Variants in ZNFX1 observed in about 807,000 individuals in gnomAD.
The protein encoded by ZNFX1 is zinc finger NFX1-type containing 1, also known as NFX1-type zinc finger-containing protein 1.
ZNFX1 carries 78 observed loss-of-function variants against 179.8 expected under a neutral mutation model. That is an observed-to-expected ratio of 0.43 (90% CI 0.36 to 0.52). The LOEUF is 0.52. ZNFX1 is among the 20% of genes least tolerant of loss of function. The pLI, the probability that ZNFX1 is intolerant of heterozygous loss-of-function variation, is 0.00. For missense variants in ZNFX1, 1,927 were observed against 2,386.6 expected (o/e 0.81, Z 4.01); for synonymous variants, 848 against 868.5 (o/e 0.98, Z 0.42).
At chr20:49,251,455 T>C in intron 13 of ZNFX1, 72 bp downstream of exon 13, 2 of 1,467,586 alleles carry the variant, frequency 1.4e-6, no homozygotes, top group Non-Finnish European at 1.9e-6. Flanking sequence ...AAAAGCTTTT[T>C]TATCTTGAGG....
Position 49,254,601 on chromosome 20 carries a change from G to C in ZNFX1, c.2853C>G (p.Ser951Arg). 1 of 1,614,172 alleles carries C rather than the reference G, an allele frequency of 6.2e-7. No homozygotes were observed. Among genetic ancestry groups the C allele is most frequent in the South Asian group, 1.1e-5 (1 of 91,086 alleles). The change falls in exon 10 of 14, where the codon AGC becomes AGG. Residue 951 changes from serine (S) to arginine (R), a missense_variant. Coordinates refer to ENST00000396105, the MANE Select transcript of ZNFX1 (RefSeq NM_021035.3). ...YQADTRRKILSYERQYRTSAE... is the reference protein window; with the variant it reads ...YQADTRRKILRYERQYRTSAE... ...CTGATGTGCGGTACTGGCGTTCATAGCTGAGGATCTTCCGGCGGGTGTCAG... is the reference window on the plus strand; with the variant it reads ...CTGATGTGCGGTACTGGCGTTCATACCTGAGGATCTTCCGGCGGGTGTCAG...
intron 7 of ZNFX1, among the ~76,000 whole-genome samples, chr20:49,258,132 G>A (rs1184326643): frequency 1.5e-5 from 2 of 135,988 alleles, no homozygotes; most frequent in African/African-American, 2.7e-5. Flanking sequence ...AGTTTCACTC[G>A]TTGCCCAGGC....
At chr20:49,252,860 C>T (rs1343481907) in intron 11 of ZNFX1, 30 bp from the exon 12 acceptor site, 2 of 1,551,890 alleles carry the variant, frequency 1.3e-6, no homozygotes, top group African/African-American at 2.7e-5. Context: ...TGAGGATTCT[C>T]TACTGATAAA....
At position 49,249,644 on chromosome 20, in the gene ZNFX1, C is replaced by A; in HGVS notation, c.3380G>T (p.Ser1127Ile). 6.2e-7 allele frequency: 1 copy of A among 1,614,200 alleles called. No individual in the cohort carries two copies. Among genetic ancestry groups the A allele is most frequent in the Non-Finnish European group, 8.5e-7 (1 of 1,180,030 alleles). The change falls in exon 14 of 14, where the codon AGC becomes ATC. Residue 1127 changes from serine to isoleucine, a missense_variant. Physicochemically the swap from Ser to Ile is moderately radical, Grantham distance 142. Transcript: ENST00000396105. ...FPEQEIQEGK[S>I]HQNQHEAHFV... ...GTGAGCCTCATGCTGGTTCTGATGG[C>A]TTTTGCCCTCTTGGATTTCCTGTTC...
chr20:49,255,970 G>C (rs757807174), intron 8 of ZNFX1, 23 bp from the exon 9 acceptor site: 3 of 1,612,660 alleles, frequency 1.9e-6, no homozygotes, highest in East Asian at 4.5e-5. Context: ...ATACCAGGCA[G>C]GGTACTGTCT....
Position 49,249,474 on chromosome 20 carries a change from C to T in ZNFX1, c.3550G>A (p.Val1184Met). ...TTCTCTTCCCCTTGGTATTTGTCCA[C>T]AACATGGACCCTGACGCCAGCAAAT... ...KTFAGVRVHV[V>M]DKYQGEENDI... The change falls in exon 14 of 14, where the codon GTG becomes ATG. Residue 1184 changes from valine (V) to methionine (M), a missense_variant. Coordinates refer to ENST00000396105, the MANE Select transcript of ZNFX1 (RefSeq NM_021035.3). The T allele has an allele frequency of 1.2e-6, 2 of 1,614,256 alleles. No homozygotes were observed. The highest frequency in any genetic ancestry group is 1.7e-6 in the Non-Finnish European group (2 of 1,180,050).
chr20:49,276,490 A>G (rs1981563213), intron 1 of ZNFX1, among the ~76,000 whole-genome samples: 2 of 152,246 alleles, frequency 1.3e-5, no homozygotes, highest in South Asian at 4.1e-4. Context: ...TTCAATAACC[A>G]GGAGGTTTGG....
Position 49,257,050 on chromosome 20 carries a change from C to T in ZNFX1, c.2664+367G>A, listed in dbSNP as rs979268839. ...TCTCGCTTCATTGCTTACTTTAATC[C>T]TCTAAAATCTTAGTACATGTTCACA... On this transcript the variant is annotated intron_variant, in intron 8 of 13. Coordinates refer to ENST00000396105, the MANE Select transcript of ZNFX1 (RefSeq NM_021035.3). 5.3e-5 allele frequency among the ~76,000 whole-genome samples: 8 copies of T among 152,246 alleles called. No homozygotes were observed. The South Asian group carries it at 8.3e-4, about 16-fold the overall frequency.
intron 6 of ZNFX1, among the ~76,000 whole-genome samples, chr20:49,261,723 G>A (rs983153998): frequency 7.3e-5 from 11 of 150,290 alleles, no homozygotes; most frequent in East Asian, 5.9e-4. Flanking sequence ...TCGGCTCACT[G>A]CAAGCTCTGC....
chr20:49,255,807 C>A lies in ZNFX1; in HGVS notation c.2804+1G>T. ...GGTTGGCTAGATGTGGAACACAGTA[C>A]CTATAAAGCTGCCAGCGAGAACTGA... On this transcript the variant is annotated splice_donor_variant, in intron 9 of 13. Coordinates refer to ENST00000396105, the MANE Select transcript of ZNFX1 (RefSeq NM_021035.3). LOFTEE classifies it high-confidence loss of function. The A allele has an allele frequency of 6.2e-7, 1 of 1,611,178 alleles. No individual in the cohort carries two copies. Among genetic ancestry groups the A allele is most frequent in the Non-Finnish European group, 8.5e-7 (1 of 1,178,448 alleles).
rs1981342153 is a variant in ZNFX1, at chr20:49,270,096, T to C, written c.1716A>G (p.Arg572=). The C allele has an allele frequency of 1.2e-6, 2 of 1,614,130 alleles. No individual in the cohort carries two copies. The highest frequency in any genetic ancestry group is 1.7e-5 in the Admixed American group (1 of 60,014). ...ENPSATGEFL[R]NVEGLRHPRI... ...TGGGATGTCTCAAACCCTCGACATT[T>C]CTTAGAAATTCCCCAGTGGCTGAAG... is the stretch of plus-strand genomic sequence containing the variant. The change falls in exon 3 of 14, where the codon AGA becomes AGG. Residue 572 remains arginine (R), a synonymous_variant. Coordinates refer to ENST00000396105, the MANE Select transcript of ZNFX1 (RefSeq NM_021035.3). This position sits in a 1 kb window ranked among gnomAD's most constrained non-coding sequence, Gnocchi z 4.6.
At position 49,257,611 on chromosome 20, in the gene ZNFX1, C is replaced by CT; in HGVS notation, c.2469dup (p.Glu824ArgfsTer7). ...ATCAGGTCAGCTTCCTCTGCGATCT[C>CT]TATCAGCGAACTCTCCTCCTCCCCT... On this transcript the variant is annotated frameshift_variant, in exon 8 of 14. Coordinates refer to ENST00000396105, the MANE Select transcript of ZNFX1 (RefSeq NM_021035.3). LOFTEE classifies it high-confidence loss of function. 6.2e-7 allele frequency: 1 copy of CT among 1,613,966 alleles called. No individual in the cohort carries two copies. The highest frequency in any genetic ancestry group is 8.5e-7 in the Non-Finnish European group (1 of 1,180,006).
chr20:49,266,027 T>C (rs1981224957), intron 4 of ZNFX1, 108 bp downstream of exon 4: 1 of 1,264,908 alleles, frequency 7.9e-7, no homozygotes, highest in East Asian at 2.4e-5. Flanking sequence ...ATGTAAGTAA[T>C]GATAAGGACT....
In ZNFX1 at chr20:49,270,013, T is replaced by A; in HGVS notation, c.1799A>T (p.Asp600Val). Residue 600 changes from aspartate to valine, a missense_variant, in exon 3 of 14, where the codon GAC becomes GTC. By Grantham distance (152) the Asp-to-Val change is radical. Coordinates refer to ENST00000396105, the MANE Select transcript of ZNFX1 (RefSeq NM_021035.3). This position sits in a 1 kb window ranked among gnomAD's most constrained non-coding sequence, Gnocchi z 4.6. ...WPSKEALKLDDSQMEALQFAL... is the reference protein window; with the variant it reads ...WPSKEALKLDVSQMEALQFAL... Reference sequence around the variant, plus strand: ...AAACTGCAAGGCTTCCATCTGGGAGTCATCCAGCTTCAGGGCTTCTTTTGA... The same window carrying A: ...AAACTGCAAGGCTTCCATCTGGGAGACATCCAGCTTCAGGGCTTCTTTTGA... 1.2e-6 allele frequency: 2 copies of A among 1,614,036 alleles called. No individual in the cohort carries two copies. Among genetic ancestry groups the A allele is most frequent in the South Asian group, 2.2e-5 (2 of 91,074 alleles).
intron 5 of ZNFX1, among the ~76,000 whole-genome samples, chr20:49,264,053 C>T (rs1182734916): frequency 6.6e-6 from 1 of 152,178 alleles, no homozygotes; most frequent in Non-Finnish European, 1.5e-5. Context: ...GAAATCTTGT[C>T]TCTACTAAAA....
Position 49,257,702 on chromosome 20 carries a change from CTTTTTTT to C in ZNFX1, c.2417-45_2417-39del, listed in dbSNP as rs11295162. ...AACAGGCAGGAGAGAGATGAAAACT[CTTTTTTT>C]TTTTTTTTTTGATATGGAATCTCGC... On this transcript the variant is annotated intron_variant, in intron 7 of 13. Transcript: ENST00000396105. 18 of 1,381,232 alleles carry C rather than the reference CTTTTTTT, an allele frequency of 1.3e-5. No individual in the cohort carries two copies. In the Admixed American group the frequency reaches 1.9e-4, roughly 15 times the overall value. 85.6% of individuals were successfully genotyped at this position (1,381,232 alleles called of 1,614,324 possible). A position where few individuals can be genotyped will look rare whatever the true frequency, so the allele number is the denominator to read the frequency against.
chr20:49,258,203 C>G (rs911478127), intron 7 of ZNFX1, among the ~76,000 whole-genome samples: 1 of 150,476 alleles, frequency 6.6e-6, no homozygotes, highest in South Asian at 2.1e-4. Context: ...TCAAGCGATT[C>G]TCCTGCCTCA....
chr20:49,270,524 C>A lies in ZNFX1; in HGVS notation c.1288G>T (p.Val430Leu). The change falls in exon 3 of 14, where the codon GTG (valine) becomes TTG (leucine). Residue 430 changes from valine to leucine, a missense_variant. Coordinates refer to ENST00000396105, the MANE Select transcript of ZNFX1 (RefSeq NM_021035.3). The surrounding 1 kb of genome is among the most constrained non-coding windows in gnomAD (Gnocchi z 4.6). Reference sequence around the variant, plus strand: ...TTCAGTGGTTTTGTGTCAAACTGCACCTTGTAGACTATGCCTGATGATGAA... The same window carrying A: ...TTCAGTGGTTTTGTGTCAAACTGCAACTTGTAGACTATGCCTGATGATGAA... Reference protein sequence around the residue: ...MCSSSGIVYKVQFDTKPLKFV... With the variant: ...MCSSSGIVYKLQFDTKPLKFV... The A allele has an allele frequency of 6.2e-7, 1 of 1,614,238 alleles. No individual in the cohort carries two copies.
rs755058975 is a variant in ZNFX1 at position 49,270,672 on chromosome 20, G to A, written c.1140C>T (p.Phe380=). ...AAATACCTTCCCGTAAAGGTCTGAC[G>A]AAATCTTCTCGCAGGAGCCGGAAGT... ...DTHFRLLRED[F]VRPLREGILE... is the part of the protein sequence containing the mutation. The change falls in exon 3 of 14, where the codon TTC becomes TTT. Residue 380 remains phenylalanine, a synonymous_variant. Coordinates refer to ENST00000396105, the MANE Select transcript of ZNFX1 (RefSeq NM_021035.3). This position sits in a 1 kb window ranked among gnomAD's most constrained non-coding sequence, Gnocchi z 4.6. 25 of 1,614,030 alleles carry A rather than the reference G, an allele frequency of 1.5e-5. 1 individual carries two copies. In the African/African-American group the frequency reaches 2.7e-4, roughly 17 times the overall value.
Sources: allele counts gnomAD v4.1 joint callset (sites outside exome capture counted in the v4.1 genomes callset), GRCh38; gene constraint gnomAD v4.1.1; non-coding constraint Gnocchi (gnomAD v3.1); transcripts MANE v1.5; gene names NCBI Gene and HGNC (gene_info 2026-07-23, HGNC 2026-07-21).